Variants in PTPRD observed in about 807,000 individuals in gnomAD.
PTPRD encodes receptor-type tyrosine-protein phosphatase delta.
PTPRD carries 34 observed loss-of-function variants against 214.5 expected under a neutral mutation model. That is an observed-to-expected ratio of 0.16 (90% CI 0.12 to 0.21). The LOEUF (loss-of-function observed/expected upper bound fraction) is 0.21, where lower values mean the gene tolerates loss of function less well. Ranked by LOEUF, PTPRD falls within the 10% of genes least tolerant of loss-of-function variation. The probability of loss-of-function intolerance (pLI) is 1.00; values close to 1 mark genes in which losing one functional copy is unlikely to be tolerated. For missense variants in PTPRD, 2,545 were observed against 2,398.7 expected (o/e 1.06, Z -1.27); for synonymous variants, 1,128 against 845.7 (o/e 1.33, Z -5.79).
intron 3 of PTPRD, among the ~76,000 whole-genome samples, chr9:10,269,023 C>A (rs2094265359): frequency 6.6e-6 from 1 of 152,128 alleles, no homozygotes; most frequent in African/African-American, 2.4e-5. Context: ...TGCCAAATAT[C>A]CCCTGGGACA....
chr9:9,904,456 C>G (rs2077091002), intron 5 of PTPRD, among the ~76,000 whole-genome samples: 2 of 151,998 alleles, frequency 1.3e-5, no homozygotes, highest in Non-Finnish European at 1.5e-5. Context: ...AGTGTATTCA[C>G]TTTTTGTTAT....
At chr9:9,818,702 G>A (rs868709136) in intron 5 of PTPRD, among the ~76,000 whole-genome samples, 2 of 152,002 alleles carry the variant, frequency 1.3e-5, no homozygotes, top group Non-Finnish European at 2.9e-5. Flanking sequence ...TGGACCACGA[G>A]GTCAGGAGTT....
At chr9:9,549,499 G>A (rs1426317010) in intron 8 of PTPRD, among the ~76,000 whole-genome samples, 2 of 151,998 alleles carry the variant, frequency 1.3e-5, no homozygotes, top group Non-Finnish European at 2.9e-5. Context: ...TACCAAAATA[G>A]ATAGTCAACA....
At chr9:10,002,624 C>T (rs1382604836) in intron 4 of PTPRD, among the ~76,000 whole-genome samples, 1 of 150,484 alleles carries the variant, frequency 6.6e-6, no homozygotes, top group Non-Finnish European at 1.5e-5. Context: ...AATGGTCACT[C>T]TTTAAGGAAG....
At chr9:8,436,179 G>C (rs2095340501) in intron 35 of PTPRD, among the ~76,000 whole-genome samples, 1 of 151,956 alleles carries the variant, frequency 6.6e-6, no homozygotes, top group Non-Finnish European at 1.5e-5. Flanking sequence ...TAATAGAGTG[G>C]TGATTACCAA....
At chr9:10,543,499 CACACACAA>C (rs2059581986) in intron 2 of PTPRD, among the ~76,000 whole-genome samples, 2 of 151,276 alleles carry the variant, frequency 1.3e-5, no homozygotes, top group African/African-American at 2.4e-5. Flanking sequence ...CACACACACA[CACACACAA>C]ACACACACAC....
intron 11 of PTPRD, among the ~76,000 whole-genome samples, chr9:8,998,705 G>A (rs977186907): frequency 1.3e-5 from 2 of 152,084 alleles, no homozygotes; most frequent in African/African-American, 4.8e-5. Flanking sequence ...TATGGATAGT[G>A]ATTCCTCTGA....
At chr9:9,423,165 C>T (rs10118197) in intron 8 of PTPRD, among the ~76,000 whole-genome samples, 120,775 of 152,132 alleles carry the variant, frequency 0.79, 48,110 homozygotes, top group Non-Finnish European at 0.81. Flanking sequence ...TACAGTTTTT[C>T]ACACAATGTC....
intron 7 of PTPRD, among the ~76,000 whole-genome samples, chr9:9,597,674 T>C (rs868196607): frequency 3.3e-5 from 5 of 151,892 alleles, no homozygotes; most frequent in Admixed American, 6.6e-5. Context: ...AGGTCACTGA[T>C]TTGTGGAAAA....
chr9:9,365,832 A>C (rs925687572), intron 9 of PTPRD, among the ~76,000 whole-genome samples: 3 of 151,482 alleles, frequency 2.0e-5, no homozygotes, highest in African/African-American at 7.3e-5. Context: ...TAACCCTTAG[A>C]ATATCTAAAC....
intron 7 of PTPRD, among the ~76,000 whole-genome samples, chr9:9,645,641 T>G (rs959426099): frequency 6.6e-6 from 1 of 151,914 alleles, no homozygotes; most frequent in African/African-American, 2.4e-5. Context: ...GCAACTCATT[T>G]GGATTTTTTC....
At chr9:10,200,339 T>A (rs1188490694) in intron 3 of PTPRD, among the ~76,000 whole-genome samples, 1 of 152,048 alleles carries the variant, frequency 6.6e-6, no homozygotes, top group Non-Finnish European at 1.5e-5. Flanking sequence ...CAGGGCAAAT[T>A]TGGTAATATG....
chr9:9,075,873 G>C (rs111565340), intron 10 of PTPRD, among the ~76,000 whole-genome samples: 1 of 152,020 alleles, frequency 6.6e-6, no homozygotes, highest in Non-Finnish European at 1.5e-5. Context: ...ATAAACATAC[G>C]TGTGCATGTG....
intron 11 of PTPRD, among the ~76,000 whole-genome samples, chr9:8,878,702 T>G (rs1469472514): frequency 1.3e-5 from 2 of 152,114 alleles, no homozygotes; most frequent in Non-Finnish European, 2.9e-5. Context: ...TAACTTGTTT[T>G]TTATTTTTAT....
intron 8 of PTPRD, among the ~76,000 whole-genome samples, chr9:9,438,020 T>TCCTTAG (rs1435284582): frequency 8.5e-5 from 13 of 152,186 alleles, no homozygotes; most frequent in Non-Finnish European, 8.8e-5. Flanking sequence ...TAGGCCTTTC[T>TCCTTAG]CCTTAGCCTG....
chr9:8,418,073 A>T (rs148880556), intron 35 of PTPRD, among the ~76,000 whole-genome samples: 12 of 152,306 alleles, frequency 7.9e-5, no homozygotes, highest in African/African-American at 2.9e-4. Flanking sequence ...CCAACTCAAT[A>T]TAAATATTGG....
chr9:10,024,240 A>G (rs1483135141), intron 4 of PTPRD, among the ~76,000 whole-genome samples: 1 of 152,138 alleles, frequency 6.6e-6, no homozygotes, highest in Non-Finnish European at 1.5e-5. Context: ...AATTTAATTT[A>G]TTCTAAAGTA....
chr9:8,533,756 T>C (rs1381133858), intron 14 of PTPRD, among the ~76,000 whole-genome samples: 1 of 152,020 alleles, frequency 6.6e-6, no homozygotes, highest in Admixed American at 6.6e-5. Flanking sequence ...TGTTACTTTC[T>C]TCGTAACCTT....
chr9:8,450,840 A>G (rs1377547026), intron 33 of PTPRD, among the ~76,000 whole-genome samples: 3 of 152,214 alleles, frequency 2.0e-5, no homozygotes, highest in Non-Finnish European at 4.4e-5. Flanking sequence ...ATTTTCAAAC[A>G]GTGCTTTTTT....
Sources: gnomAD v4.1 joint callset for allele counts (sites outside exome capture counted in the v4.1 genomes callset) on GRCh38, gnomAD v4.1.1 for gene constraint, MANE v1.5 for transcripts, NCBI Gene and HGNC (gene_info 2026-07-23, HGNC 2026-07-21) for gene names.